Variants in MYLK observed in about 807,000 individuals in gnomAD.
MYLK encodes myosin light chain kinase, smooth muscle.
Under a neutral mutation model 203.4 loss-of-function variants are expected in MYLK, and 106 were observed. The observed-to-expected ratio is 0.52, with a 90% CI of 0.45 to 0.61. The LOEUF (loss-of-function observed/expected upper bound fraction) is 0.61. Among genes scored for constraint, MYLK ranks in the 20% least tolerant of loss-of-function variants. The pLI is 0.00. For missense variants in MYLK, 2,072 were observed against 2,442.3 expected (o/e 0.85, Z 3.20); for synonymous variants, 867 against 959.5 (o/e 0.90, Z 1.78).
chr3:123,666,090 G>A, intron 22 of MYLK, 129 bp downstream of exon 22: 1 of 1,436,352 alleles, frequency 7.0e-7, no homozygotes, highest in Non-Finnish European at 9.8e-7. Context: ...GTAGGGGAGT[G>A]GCCTCTCCCA....
At chr3:123,664,575 A>G (rs1386938520) in intron 22 of MYLK, among the ~76,000 whole-genome samples, 1 of 152,182 alleles carries the variant, frequency 6.6e-6, no homozygotes, top group Non-Finnish European at 1.5e-5. Flanking sequence ...ATGGGATGAT[A>G]GGAGAACACA....
At chr3:123,694,712 G>C (rs1467126540) in intron 18 of MYLK, among the ~76,000 whole-genome samples, 1 of 152,232 alleles carries the variant, frequency 6.6e-6, no homozygotes, top group Non-Finnish European at 1.5e-5. Context: ...GGGGCATGTG[G>C]ACCCGGCCCC....
At chr3:123,727,127 C>T (rs995038655) in intron 11 of MYLK, among the ~76,000 whole-genome samples, 1 of 152,192 alleles carries the variant, frequency 6.6e-6, no homozygotes, top group African/African-American at 2.4e-5. Context: ...CATAGTTGAA[C>T]TCGATGCTGA....
At chr3:123,658,485 T>C (rs1269899706) in intron 23 of MYLK, among the ~76,000 whole-genome samples, 2 of 152,258 alleles carry the variant, frequency 1.3e-5, no homozygotes, top group Non-Finnish European at 2.9e-5. Context: ...GGTTGGTTAG[T>C]TACAGATATC....
intron 32 of MYLK, 93 bp from the exon 33 acceptor site, chr3:123,618,863 A>AAATCATAGCAAC: frequency 6.5e-7 from 1 of 1,543,762 alleles, no homozygotes; most frequent in Non-Finnish European, 8.9e-7. Flanking sequence ...AAAAGTTGCT[A>AAATCATAGCAAC]TGATTTAGCA....
chr3:123,861,129 C>CAAA (rs5852370), intron 2 of MYLK, among the ~76,000 whole-genome samples: 5 of 130,402 alleles, frequency 3.8e-5, no homozygotes, highest in African/African-American at 1.3e-4. Flanking sequence ...GACCCTGTCT[C>CAAA]AAAAAAAAAA....
chr3:123,618,283 T>G (rs1053871806), intron 33 of MYLK: 2 of 306,810 alleles, frequency 6.5e-6, no homozygotes, highest in African/African-American at 4.4e-5. Context: ...GGGCCTCATA[T>G]GGGCAAGTCA....
chr3:123,771,105 T>C (rs1368535214), intron 4 of MYLK, among the ~76,000 whole-genome samples: 1 of 152,232 alleles, frequency 6.6e-6, no homozygotes, highest in African/African-American at 2.4e-5. Flanking sequence ...TAAATAACCT[T>C]TGTGCTACAA....
chr3:123,664,334 C>T (rs1403823409), intron 22 of MYLK, 76 bp from the exon 23 acceptor site: 1 of 1,595,872 alleles, frequency 6.3e-7, no homozygotes, highest in Non-Finnish European at 8.6e-7. Context: ...CCTCCCCATT[C>T]CCTACTTCCT....
At chr3:123,819,165 T>C (rs1000142040) in intron 3 of MYLK, among the ~76,000 whole-genome samples, 1 of 152,208 alleles carries the variant, frequency 6.6e-6, no homozygotes, top group Non-Finnish European at 1.5e-5. Flanking sequence ...TCTCACAGTT[T>C]TGCACATCTT....
At chr3:123,879,789 G>T (rs1268287966) in intron 1 of MYLK, among the ~76,000 whole-genome samples, 1 of 151,902 alleles carries the variant, frequency 6.6e-6, no homozygotes, top group Non-Finnish European at 1.5e-5. Flanking sequence ...CGAGTAGCTG[G>T]GACTACAGAC....
chr3:123,836,602 T>C (rs991153340), intron 2 of MYLK, among the ~76,000 whole-genome samples: 1 of 152,190 alleles, frequency 6.6e-6, no homozygotes, highest in African/African-American at 2.4e-5. Flanking sequence ...GGCTACCACA[T>C]GATGTTTGTG....
At chr3:123,837,495 T>G (rs1219026492) in intron 2 of MYLK, among the ~76,000 whole-genome samples, 1 of 147,796 alleles carries the variant, frequency 6.8e-6, no homozygotes, top group Non-Finnish European at 1.5e-5. Context: ...TAATTATATA[T>G]TATATATATT....
rs544641854 is a variant in MYLK, at chr3:123,647,444, G to T, written c.4416-17C>A. ...AATTTCCCACTGCAAATGAAAGGGG[G>T]AGGAGAGAAAAGCCACATTTAGCCA... On this transcript the variant is annotated splice_polypyrimidine_tract_variant and intron_variant, in intron 26 of 33. Transcript: ENST00000360304. 5.0e-6 allele frequency: 8 copies of T among 1,613,336 alleles called. No individual in the cohort carries two copies. The East Asian group carries it at 1.8e-4, about 36-fold the overall frequency.
At chr3:123,685,368 G>C (rs1179217440) in intron 19 of MYLK, among the ~76,000 whole-genome samples, 1 of 152,160 alleles carries the variant, frequency 6.6e-6, no homozygotes, top group African/African-American at 2.4e-5. Context: ...CAAGGCAGTT[G>C]GATCACTTGG....
chr3:123,659,570 T>C (rs1327464062), intron 23 of MYLK: 1 of 403,656 alleles, frequency 2.5e-6, no homozygotes, highest in South Asian at 1.8e-5. Context: ...TCCTAGGAGA[T>C]TGGAGGCCTC....
intron 20 of MYLK, among the ~76,000 whole-genome samples, chr3:123,671,989 A>C (rs1273014927): frequency 1.3e-5 from 2 of 152,040 alleles, no homozygotes; most frequent in Non-Finnish European, 2.9e-5. Flanking sequence ...ATCTGTTCAG[A>C]GGAGCTACGT....
In MYLK at chr3:123,631,959, C is replaced by A. The variant is rs569871197; in HGVS notation, c.4962-2333G>T. On this transcript the variant is annotated intron_variant, in intron 29 of 33. Coordinates refer to ENST00000360304, the MANE Select transcript of MYLK (RefSeq NM_053025.4). Reference sequence around the variant, plus strand: ...ATCTCTGCTCACTGCAAGCTCTGCCCCCTGGGTTCATGCCATTCTCCTGCC... The same window carrying A: ...ATCTCTGCTCACTGCAAGCTCTGCCACCTGGGTTCATGCCATTCTCCTGCC... Among the ~76,000 whole-genome samples, 7 of 151,790 alleles carry A rather than the reference C, an allele frequency of 4.6e-5. No homozygotes were observed. The East Asian group carries it at 1.4e-3, about 30-fold the overall frequency.
Position 123,626,803 on chromosome 3 carries a change from T to C in MYLK, c.5238+15A>G. ...TGAGGGGCAACATCCCAGTCCAAAGTGACCCTCTCATTACCTGCCATTTCC... is the reference window on the plus strand; with the variant it reads ...TGAGGGGCAACATCCCAGTCCAAAGCGACCCTCTCATTACCTGCCATTTCC... On this transcript the variant is annotated intron_variant, in intron 31 of 33. Transcript: ENST00000360304. 1 of 1,614,164 alleles carries C rather than the reference T, an allele frequency of 6.2e-7. No individual in the cohort carries two copies. Among genetic ancestry groups the C allele is most frequent in the Non-Finnish European group, 8.5e-7 (1 of 1,180,008 alleles).
Sources: allele counts gnomAD v4.1 joint callset (sites outside exome capture counted in the v4.1 genomes callset), GRCh38; gene constraint gnomAD v4.1.1; transcripts MANE v1.5; gene names NCBI Gene and HGNC (gene_info 2026-07-23, HGNC 2026-07-21).